Variants in GPM6A observed in about 807,000 individuals in gnomAD.
GPM6A encodes the protein neuronal membrane glycoprotein M6-a.
In GPM6A, 7 loss-of-function variants were observed where a neutral mutation model predicts 32.1. That is an observed-to-expected ratio of 0.22 (90% CI 0.12 to 0.41). The LOEUF (loss-of-function observed/expected upper bound fraction) is 0.41. GPM6A is among the 10% of genes least tolerant of loss of function. The pLI, the probability that GPM6A is intolerant of heterozygous loss-of-function variation, is 1.00. For synonymous variants in GPM6A, 130 were observed against 123.4 expected (o/e 1.05, Z -0.35); for missense variants, 235 against 347.2 (o/e 0.68, Z 2.57).
intron 1 of GPM6A, among the ~76,000 whole-genome samples, chr4:175,995,027 C>A (rs1741260009): frequency 6.6e-6 from 1 of 152,186 alleles, no homozygotes; most frequent in Non-Finnish European, 1.5e-5. Flanking sequence ...GACATTGCAG[C>A]AATTCAGTCA....
intron 1 of GPM6A, among the ~76,000 whole-genome samples, chr4:175,966,763 G>T (rs1422930843): frequency 6.6e-6 from 1 of 152,062 alleles, no homozygotes; most frequent in African/African-American, 2.4e-5. Context: ...GGTAATTTGT[G>T]TAGTAGCCTG....
intron 1 of GPM6A, among the ~76,000 whole-genome samples, chr4:175,982,187 T>C (rs1404734417): frequency 6.6e-6 from 1 of 152,146 alleles, no homozygotes; most frequent in Non-Finnish European, 1.5e-5. Flanking sequence ...TCCCCCAGTA[T>C]ACGGTTTGTC....
At chr4:175,740,462 A>G (rs1579447090) in intron 1 of GPM6A, among the ~76,000 whole-genome samples, 1 of 152,060 alleles carries the variant, frequency 6.6e-6, no homozygotes, top group Non-Finnish European at 1.5e-5. Flanking sequence ...GTTAAAGACC[A>G]GCAAATGTCA....
intron 1 of GPM6A, among the ~76,000 whole-genome samples, chr4:175,933,043 A>G (rs1293559691): frequency 6.6e-6 from 1 of 152,092 alleles, no homozygotes; most frequent in Non-Finnish European, 1.5e-5. Flanking sequence ...ACAACTATAT[A>G]CTTTGTACAA....
intron 1 of GPM6A, among the ~76,000 whole-genome samples, chr4:175,863,955 T>G (rs1416662462): frequency 6.6e-6 from 1 of 151,862 alleles, no homozygotes; most frequent in East Asian, 1.9e-4. Context: ...GAGCTGTGGT[T>G]GCACCACTGC....
upstream of GPM6A, among the ~76,000 whole-genome samples, chr4:175,813,578 G>GCA (rs140407405): frequency 2.6e-5 from 4 of 151,106 alleles, no homozygotes; most frequent in East Asian, 3.9e-4. Flanking sequence ...ACACGGAGAG[G>GCA]CACACACACA....
intron 1 of GPM6A, among the ~76,000 whole-genome samples, chr4:175,878,644 C>T (rs1244604684): frequency 5.3e-5 from 8 of 152,054 alleles, no homozygotes; most frequent in Non-Finnish European, 8.8e-5. Flanking sequence ...ATTTTTTCCT[C>T]ATAGGCCTCT....
intron 2 of GPM6A, among the ~76,000 whole-genome samples, chr4:175,697,367 A>G (rs1744638307): frequency 1.3e-5 from 2 of 151,598 alleles, no homozygotes; most frequent in African/African-American, 2.4e-5. Context: ...ACACCTTTCC[A>G]AATGTCTCTC....
chr4:175,768,711 G>A (rs1014092470), intron 1 of GPM6A, among the ~76,000 whole-genome samples: 2 of 151,970 alleles, frequency 1.3e-5, no homozygotes, highest in Non-Finnish European at 2.9e-5. Flanking sequence ...CACCAAAGTT[G>A]AATTGAACTA....
chr4:175,700,261 T>C (rs1253952472), intron 2 of GPM6A, among the ~76,000 whole-genome samples: 1 of 152,200 alleles, frequency 6.6e-6, no homozygotes, highest in Non-Finnish European at 1.5e-5. Flanking sequence ...AATATACTTT[T>C]ATGAAAAACA....
intron 1 of GPM6A, among the ~76,000 whole-genome samples, chr4:175,954,373 G>A (rs192940795): frequency 1.3e-5 from 2 of 152,276 alleles, no homozygotes; most frequent in East Asian, 3.9e-4. Context: ...TTGTATCAGT[G>A]CGAAACCCGG....
At chr4:175,663,551 T>C (rs1476575311) in intron 3 of GPM6A, among the ~76,000 whole-genome samples, 1 of 152,182 alleles carries the variant, frequency 6.6e-6, no homozygotes, top group Non-Finnish European at 1.5e-5. Flanking sequence ...AAAAACCATG[T>C]GAGGTAATGC....
chr4:175,939,397 A>G (rs1739337505), intron 1 of GPM6A, among the ~76,000 whole-genome samples: 1 of 152,198 alleles, frequency 6.6e-6, no homozygotes, highest in African/African-American at 2.4e-5. Flanking sequence ...CTGTTATCTG[A>G]ATTAAGAGAT....
intron 1 of GPM6A, among the ~76,000 whole-genome samples, chr4:175,820,195 C>A (rs1158733793): frequency 6.6e-6 from 1 of 152,108 alleles, no homozygotes; most frequent in Non-Finnish European, 1.5e-5. Context: ...AGTTATTATT[C>A]CTTCTTATTT....
At chr4:175,684,931 C>A (rs1338034503) in intron 2 of GPM6A, among the ~76,000 whole-genome samples, 1 of 152,100 alleles carries the variant, frequency 6.6e-6, no homozygotes, top group East Asian at 1.9e-4. Context: ...CTCTGTCGCC[C>A]AGGCTGGAGT....
At chr4:175,985,986 A>G (rs552554099) in intron 1 of GPM6A, among the ~76,000 whole-genome samples, 1 of 152,000 alleles carries the variant, frequency 6.6e-6, no homozygotes, top group African/African-American at 2.4e-5. Context: ...TTGTATTCTT[A>G]GTAGAGATAG....
chr4:175,887,852 A>C (rs1186431598), intron 1 of GPM6A, among the ~76,000 whole-genome samples: 1 of 151,938 alleles, frequency 6.6e-6, no homozygotes, highest in African/African-American at 2.4e-5. Flanking sequence ...ATAGTTAAAA[A>C]TTTGCCCACT....
chr4:175,901,757 G>C (rs1256797328), intron 1 of GPM6A, among the ~76,000 whole-genome samples: 1 of 149,680 alleles, frequency 6.7e-6, no homozygotes, highest in Non-Finnish European at 1.5e-5. Flanking sequence ...CTCCCAAGTA[G>C]CTGGGATTAC....
At chr4:175,638,012 G>T (rs1740913761) in intron 6 of GPM6A, among the ~76,000 whole-genome samples, 1 of 147,066 alleles carries the variant, frequency 6.8e-6, no homozygotes, top group South Asian at 2.1e-4. Context: ...AACCCAAGCT[G>T]CAGGGCTTAT....
Sources: gnomAD v4.1 joint callset for allele counts (sites outside exome capture counted in the v4.1 genomes callset) on GRCh38, gnomAD v4.1.1 for gene constraint, MANE v1.5 for transcripts, NCBI Gene and HGNC (gene_info 2026-07-23, HGNC 2026-07-21) for gene names.